The following SEC24D variants were observed in gnomAD, a reference collection of about 807,000 sequenced individuals.
SEC24D encodes the protein protein transport protein Sec24D.
In SEC24D, 69 loss-of-function variants were observed where a neutral mutation model predicts 116.9. That is an observed-to-expected ratio of 0.59 (90% confidence interval 0.49 to 0.72). SEC24D has a LOEUF of 0.72. SEC24D is among the 30% of genes least tolerant of loss of function. The pLI is 0.00. For synonymous variants in SEC24D, 405 were observed against 442.8 expected (o/e 0.91, Z 1.07); for missense variants, 1,131 against 1,264.1 (o/e 0.89, Z 1.60).
At chr4:118,773,644 A>C (rs1578419362) in intron 8 of SEC24D, among the ~76,000 whole-genome samples, 1 of 152,376 alleles carries the variant, frequency 6.6e-6, no homozygotes, top group Middle Eastern at 3.4e-3. Flanking sequence ...TAAAAATGTT[A>C]AACATTCAGA....
At chr4:118,834,482 G>C (rs1731006609) in intron 1 of SEC24D, among the ~76,000 whole-genome samples, 1 of 151,338 alleles carries the variant, frequency 6.6e-6, no homozygotes, top group African/African-American at 2.4e-5. Context: ...GACTCATCTT[G>C]ATTTTTTTTA....
At chr4:118,775,367 A>G (rs1488678267) in intron 8 of SEC24D, among the ~76,000 whole-genome samples, 5 of 146,028 alleles carry the variant, frequency 3.4e-5, no homozygotes, top group African/African-American at 1.2e-4. Context: ...AAAAAAAAAG[A>G]AGAAATCTTC....
intron 8 of SEC24D, among the ~76,000 whole-genome samples, chr4:118,782,745 G>A (rs1353714331): frequency 6.6e-6 from 1 of 152,244 alleles, no homozygotes; most frequent in Admixed American, 6.5e-5. Flanking sequence ...CTGAGCTGTG[G>A]TGGGCTCCGC....
At chr4:118,818,996 G>C (rs1730274451) in intron 3 of SEC24D, among the ~76,000 whole-genome samples, 1 of 152,242 alleles carries the variant, frequency 6.6e-6, no homozygotes, top group South Asian at 2.1e-4. Flanking sequence ...ATAAAAGATA[G>C]AAAATACAAA....
chr4:118,829,669 G>A lies in SEC24D; in HGVS notation c.118+3910C>T, dbSNP rs550452834. Among the ~76,000 whole-genome samples, 164 of 152,194 alleles carry A rather than the reference G, an allele frequency of 1.1e-3. 2 individuals carry two copies. Among genetic ancestry groups the A allele is most frequent in the African/African-American group, 3.4e-3 (140 of 41,530 alleles). ...CTCTACTAAAAATACAAAATTAGCC[G>A]GGTGTGGTGGCGCATGCCTGTAATC... On this transcript the variant is annotated intron_variant, in intron 2 of 22. Coordinates refer to ENST00000280551, the MANE Select transcript of SEC24D (RefSeq NM_014822.4).
At chr4:118,745,081 A>G in intron 13 of SEC24D, 21 bp from the exon 14 acceptor site, 2 of 1,350,926 alleles carry the variant, frequency 1.5e-6, no homozygotes, top group East Asian at 4.6e-5. Context: ...AAAAAAACCC[A>G]AAAACCCACA....
At chr4:118,742,865 A>G (rs1726302425) in intron 15 of SEC24D, among the ~76,000 whole-genome samples, 1 of 152,208 alleles carries the variant, frequency 6.6e-6, no homozygotes. Context: ...GGGTGGGCAC[A>G]GCCCAGCCTC....
chr4:118,743,964 G>A (rs1726361910), intron 15 of SEC24D, 24 bp downstream of exon 15: 1 of 1,583,308 alleles, frequency 6.3e-7, no homozygotes, highest in Non-Finnish European at 8.6e-7. Flanking sequence ...AGAAGACCAA[G>A]GTGAACAAAT....
rs754665414 is a variant in SEC24D, at chr4:118,738,249, T to C, written c.2496+12A>G. 3.2e-6 allele frequency: 5 copies of C among 1,546,326 alleles called. No individual in the cohort carries two copies. The highest frequency in any genetic ancestry group is 3.3e-5 in the Admixed American group (2 of 59,902). On this transcript the variant is annotated intron_variant, in intron 19 of 22. Transcript: ENST00000280551. The stretch of plus-strand genomic sequence containing the variant: ...GTAACACTTTAACATCTATGTGCAA[T>C]AGGTAGCTCACCTGGCTTGCTGCAG...
chr4:118,799,359 A>G (rs9997799), intron 7 of SEC24D, among the ~76,000 whole-genome samples: 49,809 of 151,992 alleles, frequency 0.33, 8,883 homozygotes, highest in East Asian at 0.45. Context: ...GTGTGCGGGT[A>G]GAGATCAGGA....
chr4:118,822,810 C>T (rs556535385), intron 3 of SEC24D, among the ~76,000 whole-genome samples: 7 of 152,086 alleles, frequency 4.6e-5, no homozygotes, highest in South Asian at 4.2e-4. Context: ...TGGGCTCAGG[C>T]GATCCTCTCG....
Position 118,773,310 on chromosome 4 carries a change from T to C in SEC24D, c.1042-4999A>G, listed in dbSNP as rs531518582. ...ATGGGAAAGAAATTTTTGCCTACAA[T>C]GGGACCTAAATAAGATGAGAAGATT... is the stretch of plus-strand genomic sequence containing the variant. On this transcript the variant is annotated intron_variant, in intron 8 of 22. Coordinates refer to ENST00000280551, the MANE Select transcript of SEC24D (RefSeq NM_014822.4). 1.7e-3 allele frequency among the ~76,000 whole-genome samples: 252 copies of C among 152,282 alleles called. 1 individual carries two copies. In the Middle Eastern group the frequency reaches 0.017, roughly 10 times the overall value.
rs1164946567 is a variant in SEC24D, at chr4:118,733,004, C to A, written c.2497-92G>T. ...TGTAAGACTGAAACATTATTTGCTT[C>A]TGAACTTGTAAGGATGTAAGGATTA... is the stretch of plus-strand genomic sequence containing the variant. On this transcript the variant is annotated intron_variant, in intron 19 of 22. Transcript: ENST00000280551. 2.6e-6 allele frequency: 3 copies of A among 1,153,786 alleles called. No homozygotes were observed. The African/African-American group carries it at 4.6e-5, about 18-fold the overall frequency. The allele number at this position is 1,153,786 out of a possible 1,614,324, so 71.5% of individuals were successfully genotyped here.
intron 10 of SEC24D, among the ~76,000 whole-genome samples, chr4:118,759,349 G>A (rs957852602): frequency 7.2e-5 from 11 of 151,932 alleles, no homozygotes; most frequent in African/African-American, 2.4e-4. Flanking sequence ...ACAATGTTTC[G>A]GCCCATCCCT....
At chr4:118,743,948 G>A (rs775427787) in intron 15 of SEC24D, 40 bp downstream of exon 15, 1 of 1,522,142 alleles carries the variant, frequency 6.6e-7, no homozygotes, top group Non-Finnish European at 8.9e-7. Flanking sequence ...AAATTAAAAT[G>A]GGAGTAGAAG....
chr4:118,797,786 C>G lies in SEC24D; in HGVS notation c.938G>C (p.Arg313Pro). 6.2e-7 allele frequency: 1 copy of G among 1,605,154 alleles called. No homozygotes were observed. Among genetic ancestry groups the G allele is most frequent in the Non-Finnish European group, 8.5e-7 (1 of 1,174,018 alleles). ...GCATGGAAAACAGTATGTTGTACAACGGATGAATCGAGGACTGGCATTTCC... is the reference window on the plus strand; with the variant it reads ...GCATGGAAAACAGTATGTTGTACAAGGGATGAATCGAGGACTGGCATTTCC... ...DQGNASPRFI[R>P]CTTYCFPCTS... The change falls in exon 8 of 23, where the codon CGT becomes CCT. Residue 313 changes from arginine (R) to proline (P), a missense_variant. Physicochemically the swap from Arg to Pro is moderately radical, Grantham distance 103. Transcript: ENST00000280551.
rs116634064 is a variant in SEC24D, at chr4:118,815,359, C to T, written c.673+92G>A. 77,311 of 1,476,794 alleles carry T rather than the reference C, an allele frequency of 0.052. 2,469 individuals are homozygous for T. The highest frequency in any genetic ancestry group is 0.061 in the Non-Finnish European group (65,799 of 1,077,424). The allele number at this position is 1,476,794 out of a possible 1,614,324, so 91.5% of individuals were successfully genotyped here. On this transcript the variant is annotated intron_variant, in intron 5 of 22. Coordinates refer to ENST00000280551, the MANE Select transcript of SEC24D (RefSeq NM_014822.4). ...ACTACCATTTCTTAAAAGTAAGTGA[C>T]AGATACCTAGTAACATAGGAACAAA...
At chr4:118,835,830 A>C (rs1041844423) in intron 1 of SEC24D, 111 bp downstream of exon 1, 1 of 153,064 alleles carries the variant, frequency 6.5e-6, no homozygotes, top group African/African-American at 2.4e-5. Flanking sequence ...CCACTGCCTC[A>C]GGTGAGCACC....
intron 7 of SEC24D, among the ~76,000 whole-genome samples, chr4:118,803,072 T>A (rs1414509542): frequency 6.6e-6 from 1 of 151,926 alleles, no homozygotes; most frequent in Non-Finnish European, 1.5e-5. Flanking sequence ...TAGAACAGAG[T>A]CTACCAGGGG....
Sources: gnomAD v4.1 joint callset for allele counts (sites outside exome capture counted in the v4.1 genomes callset) on GRCh38, gnomAD v4.1.1 for gene constraint, MANE v1.5 for transcripts, NCBI Gene and HGNC (gene_info 2026-07-23, HGNC 2026-07-21) for gene names.